The following UMPS variants were observed in gnomAD, a reference collection of about 807,000 sequenced individuals.
The protein encoded by UMPS is uridine monophosphate synthetase.
UMPS carries 21 observed loss-of-function variants against 38.9 expected under a neutral mutation model. The ratio of observed to expected loss-of-function variants is 0.54; its 90% CI spans 0.38 to 0.78. The LOEUF (loss-of-function observed/expected upper bound fraction) is 0.78. UMPS is among the 30% of genes least tolerant of loss of function. The probability of loss-of-function intolerance (pLI) is 0.00; values close to 1 mark genes in which losing one functional copy is unlikely to be tolerated. For synonymous variants in UMPS, 208 were observed against 219.3 expected (o/e 0.95, Z 0.45); for missense variants, 533 against 591.6 (o/e 0.90, Z 1.03).
At chr3:124,738,610 G>C (rs1488467251) in intron 3 of UMPS, 3 of 231,460 alleles carry the variant, frequency 1.3e-5, no homozygotes, top group Non-Finnish European at 2.6e-5. Flanking sequence ...AAAGAAAATG[G>C]ATGTGCTAGT....
chr3:124,735,819 A>G (rs1039445775), intron 2 of UMPS, among the ~76,000 whole-genome samples: 1 of 152,190 alleles, frequency 6.6e-6, no homozygotes, highest in Admixed American at 6.5e-5. Context: ...TCTACTAAAA[A>G]TACAAAAATT....
chr3:124,730,481 G>A lies in UMPS; in HGVS notation c.10G>A (p.Ala4Thr). ...CAGGCAGCGCGCGACAATGGCGGTC[G>A]CTCGTGCAGCTTTGGGGCCATTGGT... MAV[A>T]RAALGPLVTG... The change falls in exon 1 of 6, where the codon GCT becomes ACT. Residue 4 changes from alanine (A) to threonine (T), a missense_variant. Ala to Thr is a moderately conservative substitution (Grantham distance 58). Coordinates refer to ENST00000232607, the MANE Select transcript of UMPS (RefSeq NM_000373.4). 6.2e-7 allele frequency: 1 copy of A among 1,614,120 alleles called. No homozygotes were observed. The highest frequency in any genetic ancestry group is 1.1e-5 in the South Asian group (1 of 91,082).
In UMPS at chr3:124,732,596, A is replaced by G. The variant is rs571562907; in HGVS notation, c.156+1969A>G. ...AGTTTGCTACTAGCCACGTGTTACT[A>G]TTGAGCATTATGAATTTTTAAGTTT... On this transcript the variant is annotated intron_variant, in intron 1 of 5. Coordinates refer to ENST00000232607, the MANE Select transcript of UMPS (RefSeq NM_000373.4). The G allele has an allele frequency of 2.6e-5, 4 of 154,910 alleles. No individual in the cohort carries two copies. The South Asian group carries it at 8.1e-4, about 32-fold the overall frequency. 9.6% of individuals were successfully genotyped at this position (154,910 alleles called of 1,614,324 possible).
chr3:124,743,207 G>C (rs563936185), intron 5 of UMPS, among the ~76,000 whole-genome samples: 1 of 152,086 alleles, frequency 6.6e-6, no homozygotes, highest in Non-Finnish European at 1.5e-5. Flanking sequence ...GGTGGTGCAC[G>C]CTTTTAATCC....
At chr3:124,736,443 G>A (rs183522847) in intron 2 of UMPS, among the ~76,000 whole-genome samples, 19 of 151,932 alleles carry the variant, frequency 1.3e-4, no homozygotes, top group African/African-American at 2.9e-4. Context: ...TTTTTGTGGC[G>A]TAAGGGCAGT....
Position 124,730,573 on chromosome 3 carries a change from C to T in UMPS, c.102C>T (p.Ser34=), listed in dbSNP as rs767093019. ...GDFVLKSGLS[S]PIYIDLRGIV... ...TCGTGCTGAAGAGCGGGCTTTCCTC[C>T]CCCATCTACATCGATCTGCGGGGCA... The change falls in exon 1 of 6, where the codon TCC becomes TCT. Residue 34 remains serine (S), a synonymous_variant. Coordinates refer to ENST00000232607, the MANE Select transcript of UMPS (RefSeq NM_000373.4). 9 of 1,613,866 alleles carry T rather than the reference C, an allele frequency of 5.6e-6. No homozygotes were observed. The Admixed American group carries it at 1.5e-4, about 27-fold the overall frequency.
chr3:124,740,728 C>T (rs150326220), intron 4 of UMPS, among the ~76,000 whole-genome samples: 240 of 152,130 alleles, frequency 1.6e-3, no homozygotes, highest in African/African-American at 5.6e-3. Context: ...GAGGCCAAGG[C>T]GGGAGGATTG....
chr3:124,748,700 T>C lies in UMPS; in HGVS notation c.*4616T>C, dbSNP rs1559911445. On this transcript the variant is annotated 3_prime_UTR_variant, in exon 6 of 6. Transcript: ENST00000232607. ...TCAGCAGAGGAGGTCTGTGTCATGT[T>C]TTTCAGCGCTGGGGTTGGGGGGAGC... 2.2e-6 allele frequency: 1 copy of C among 452,216 alleles called. No individual in the cohort carries two copies. The highest frequency in any genetic ancestry group is 4.4e-6 in the Non-Finnish European group (1 of 225,898). The allele number at this position is 452,216 out of a possible 1,614,324, so 28.0% of individuals were successfully genotyped here. A position where few individuals can be genotyped will look rare whatever the true frequency, so the allele number is the denominator to read the frequency against.
At chr3:124,743,206 C>T (rs942387709) in intron 5 of UMPS, among the ~76,000 whole-genome samples, 2 of 151,016 alleles carry the variant, frequency 1.3e-5, no homozygotes, top group African/African-American at 2.4e-5. Context: ...TGGTGGTGCA[C>T]GCTTTTAATC....
At position 124,746,626 on chromosome 3, in the gene UMPS, A is replaced by C. The variant is rs1301436578; in HGVS notation, c.*2542A>C. ...TCTGGGCATTGTAACTCCTGGTCTT[A>C]GTGGGGAATATAGGGACCCCATGTC... On this transcript the variant is annotated 3_prime_UTR_variant, in exon 6 of 6. Coordinates refer to ENST00000232607, the MANE Select transcript of UMPS (RefSeq NM_000373.4). 2.2e-6 allele frequency: 1 copy of C among 453,976 alleles called. No homozygotes were observed. The highest frequency in any genetic ancestry group is 6.9e-5 in the East Asian group (1 of 14,402). The allele number at this position is 453,976 out of a possible 1,614,324, so 28.1% of individuals were successfully genotyped here.
chr3:124,735,724 C>T (rs1030063075), intron 2 of UMPS, among the ~76,000 whole-genome samples: 1 of 152,212 alleles, frequency 6.6e-6, no homozygotes, highest in African/African-American at 2.4e-5. Context: ...CGCCTGTAAT[C>T]CCAGCACTTT....
intron 1 of UMPS, among the ~76,000 whole-genome samples, chr3:124,731,987 A>AG (rs1338201461): frequency 4.0e-5 from 6 of 150,422 alleles, no homozygotes; most frequent in African/African-American, 1.5e-4. Context: ...TTTTGTAGAG[A>AG]GGAGGTCTCA....
At position 124,747,331 on chromosome 3, in the gene UMPS, G is replaced by T. The variant is rs758862197; in HGVS notation, c.*3247G>T. On this transcript the variant is annotated 3_prime_UTR_variant, in exon 6 of 6. Coordinates refer to ENST00000232607, the MANE Select transcript of UMPS (RefSeq NM_000373.4). ...CCTGGCTGTCAGGGGTGCAGCCACA[G>T]GAGAGCCAACAGCAGAGGGTGCTGG... 2.2e-6 allele frequency: 1 copy of T among 455,238 alleles called. No individual in the cohort carries two copies. Among genetic ancestry groups the T allele is most frequent in the South Asian group, 1.5e-5 (1 of 65,278 alleles). The allele number at this position is 455,238 out of a possible 1,614,324, so 28.2% of individuals were successfully genotyped here. A position where few individuals can be genotyped will look rare whatever the true frequency, so the allele number is the denominator to read the frequency against.
chr3:124,746,879 T>C lies in UMPS; in HGVS notation c.*2795T>C, dbSNP rs775426276. 1.1e-4 allele frequency: 50 copies of C among 452,502 alleles called. 1 individual carries two copies. The Middle Eastern group carries it at 2.7e-3, about 25-fold the overall frequency. 28.0% of individuals were successfully genotyped at this position (452,502 alleles called of 1,614,324 possible). A position where few individuals can be genotyped will look rare whatever the true frequency, so the allele number is the denominator to read the frequency against. ...TATTTTAGAGCTCCCAAAGTGTAGC[T>C]CCAGAATCGTAAAGGGATATGCTCA... On this transcript the variant is annotated 3_prime_UTR_variant, in exon 6 of 6. Coordinates refer to ENST00000232607, the MANE Select transcript of UMPS (RefSeq NM_000373.4).
chr3:124,745,651 CAAGGAAG>C lies in UMPS; in HGVS notation c.*1571_*1577del, dbSNP rs1055619526. The C allele has an allele frequency of 2.0e-5, 9 of 453,906 alleles. No homozygotes were observed. The highest frequency in any genetic ancestry group is 4.0e-5 in the Non-Finnish European group (9 of 226,760). The allele number at this position is 453,906 out of a possible 1,614,324, so 28.1% of individuals were successfully genotyped here. A position where few individuals can be genotyped will look rare whatever the true frequency, so the allele number is the denominator to read the frequency against. ...GCTGTCTGTGGGAGAGACCAACTCTCAAGGAAGAAGTGGCCACAGAAGGAGCAGGAAG... is the reference window on the plus strand; with the variant it reads ...GCTGTCTGTGGGAGAGACCAACTCTCAAGTGGCCACAGAAGGAGCAGGAAG... On this transcript the variant is annotated 3_prime_UTR_variant, in exon 6 of 6. Coordinates refer to ENST00000232607, the MANE Select transcript of UMPS (RefSeq NM_000373.4).
intron 1 of UMPS, among the ~76,000 whole-genome samples, chr3:124,733,106 A>G (rs2063492425): frequency 6.6e-6 from 1 of 152,220 alleles, no homozygotes; most frequent in South Asian, 2.1e-4. Context: ...TACACCCCAA[A>G]AAGCAATATA....
At chr3:124,738,378 A>G in intron 3 of UMPS, 139 bp downstream of exon 3, 1 of 835,184 alleles carries the variant, frequency 1.2e-6, no homozygotes, top group Non-Finnish European at 2.0e-6. Flanking sequence ...CTCAAGTGAT[A>G]TCTTCATGAC....
rs1213794264 is a variant in UMPS at position 124,745,662 on chromosome 3, T to C, written c.*1578T>C. On this transcript the variant is annotated 3_prime_UTR_variant, in exon 6 of 6. Coordinates refer to ENST00000232607, the MANE Select transcript of UMPS (RefSeq NM_000373.4). Reference sequence around the variant, plus strand: ...GAGAGACCAACTCTCAAGGAAGAAGTGGCCACAGAAGGAGCAGGAAGGGAG... The same window carrying C: ...GAGAGACCAACTCTCAAGGAAGAAGCGGCCACAGAAGGAGCAGGAAGGGAG... 2.2e-6 allele frequency: 1 copy of C among 453,992 alleles called. No homozygotes were observed. Among genetic ancestry groups the C allele is most frequent in the South Asian group, 1.6e-5 (1 of 64,470 alleles). 28.1% of individuals were successfully genotyped at this position (453,992 alleles called of 1,614,324 possible). A position where few individuals can be genotyped will look rare whatever the true frequency, so the allele number is the denominator to read the frequency against.
Position 124,748,953 on chromosome 3 carries a change from G to T in UMPS, c.*4869G>T, listed in dbSNP as rs1026438041. 5 of 453,512 alleles carry T rather than the reference G, an allele frequency of 1.1e-5. No individual in the cohort carries two copies. The highest frequency in any genetic ancestry group is 6.0e-5 in the African/African-American group (3 of 50,098). The allele number at this position is 453,512 out of a possible 1,614,324, so 28.1% of individuals were successfully genotyped here. A position where few individuals can be genotyped will look rare whatever the true frequency, so the allele number is the denominator to read the frequency against. ...ACAGTCAGTGGGAAGTGGACGGGCC[G>T]CACAACCAAGGTTCTCATGAGGACA... On this transcript the variant is annotated 3_prime_UTR_variant, in exon 6 of 6. Coordinates refer to ENST00000232607, the MANE Select transcript of UMPS (RefSeq NM_000373.4).
Sources: allele counts gnomAD v4.1 joint callset (sites outside exome capture counted in the v4.1 genomes callset), GRCh38; gene constraint gnomAD v4.1.1; transcripts MANE v1.5; gene names NCBI Gene and HGNC (gene_info 2026-07-23, HGNC 2026-07-21).